VDAC2: variants seen among roughly 807,000 people sequenced by gnomAD.
VDAC2 encodes the protein voltage dependent anion channel 2.
In VDAC2, 6 loss-of-function variants were observed where a neutral mutation model predicts 36.6. The ratio of observed to expected loss-of-function variants is 0.16; its 90% CI spans 0.09 to 0.32. The LOEUF (loss-of-function observed/expected upper bound fraction) is 0.32, where lower values mean the gene tolerates loss of function less well. Ranked by LOEUF, VDAC2 falls within the 10% of genes least tolerant of loss-of-function variation. VDAC2 has a pLI of 1.00. For missense variants in VDAC2, 247 were observed against 346.0 expected, an observed-to-expected ratio of 0.71 and a Z score of 2.27; for synonymous variants, 109 against 123.8, an observed-to-expected ratio of 0.88 and a Z score of 0.79.
intron 3 of VDAC2, 141 bp from the exon 4 acceptor site, chr10:75,213,880 A>G: frequency 1.3e-6 from 1 of 744,912 alleles, no homozygotes; most frequent in Admixed American, 2.8e-5. Flanking sequence ...TAACAATTTC[A>G]TTTAAATATT....
chr10:75,218,950 G>T, intron 4 of VDAC2, 113 bp from the exon 5 acceptor site: 1 of 1,129,278 alleles, frequency 8.9e-7, no homozygotes, highest in Non-Finnish European at 1.3e-6. Flanking sequence ...CTAGAAAAAG[G>T]ATTCATGAAT....
chr10:75,228,876 G>A (rs1842031812), intron 8 of VDAC2, among the ~76,000 whole-genome samples: 3 of 152,198 alleles, frequency 2.0e-5, no homozygotes, highest in Admixed American at 6.5e-5. Context: ...ATAATGTTAG[G>A]GGTGGTAGAG....
intron 3 of VDAC2, among the ~76,000 whole-genome samples, chr10:75,212,953 G>A (rs1589997543): frequency 6.6e-6 from 1 of 152,002 alleles, no homozygotes; most frequent in African/African-American, 2.4e-5. Flanking sequence ...AGAGTTATGA[G>A]CTTTTTCAGG....
chr10:75,220,438 T>C (rs1426479536), intron 6 of VDAC2, among the ~76,000 whole-genome samples: 2 of 152,246 alleles, frequency 1.3e-5, no homozygotes, highest in East Asian at 3.8e-4. Flanking sequence ...CTATGGTTGC[T>C]ATCATTGGCT....
intron 4 of VDAC2, chr10:75,217,793 C>T: frequency 1.5e-6 from 1 of 676,822 alleles, no homozygotes; most frequent in Non-Finnish European, 2.1e-6. Flanking sequence ...TCTCTAACAG[C>T]AGAGCAATAG....
chr10:75,214,008 CTATT>C lies in VDAC2; in HGVS notation c.101-11_101-8del, dbSNP rs1841519034. ...GGAATCATTTTGTTTCTTTTGCTGTCTATTTGTTGAAGGTTTTGGGTTGGTGAAA... is the reference window on the plus strand; with the variant it reads ...GGAATCATTTTGTTTCTTTTGCTGTCTGTTGAAGGTTTTGGGTTGGTGAAA... On this transcript the variant is annotated splice_polypyrimidine_tract_variant and intron_variant, in intron 3 of 9. Coordinates refer to ENST00000332211, the MANE Select transcript of VDAC2 (RefSeq NM_001391963.1). 1.2e-6 allele frequency: 2 copies of C among 1,612,526 alleles called. No homozygotes were observed. The highest frequency in any genetic ancestry group is 1.7e-6 in the Non-Finnish European group (2 of 1,179,096).
chr10:75,210,418 G>A (rs1030352123), upstream of VDAC2, among the ~76,000 whole-genome samples: 4 of 152,214 alleles, frequency 2.6e-5, no homozygotes, highest in East Asian at 3.9e-4. Context: ...CAGCGCGTAA[G>A]GGGAGTAGGA....
intron 4 of VDAC2, among the ~76,000 whole-genome samples, chr10:75,218,805 A>G (rs908325489): frequency 1.6e-4 from 24 of 152,042 alleles, no homozygotes; most frequent in Admixed American, 1.2e-3. Flanking sequence ...AGAATTCACT[A>G]CAGGTTAACT....
chr10:75,220,168 C>T (rs1363044519), intron 6 of VDAC2, among the ~76,000 whole-genome samples: 3 of 151,466 alleles, frequency 2.0e-5, no homozygotes, highest in African/African-American at 4.9e-5. Flanking sequence ...TGCAATGGTG[C>T]GATCTTGGCT....
chr10:75,228,308 T>G (rs1259499), intron 8 of VDAC2, among the ~76,000 whole-genome samples: 85,573 of 150,864 alleles, frequency 0.57, 25,860 homozygotes, highest in East Asian at 0.92. Context: ...GCCTAGGCTG[T>G]AGTTCACTGG....
rs34279627 is a variant in VDAC2, at chr10:75,222,979, C to CTT, written c.735+592_735+593dup. ...GCTAGTATTTTAATCATCACTTTGT[C>CTT]TTTTTTTTTTTTTTTTCTTTTTTGA... On this transcript the variant is annotated intron_variant, in intron 8 of 9. Transcript: ENST00000332211. Among the ~76,000 whole-genome samples, 194 of 137,984 alleles carry CTT rather than the reference C, an allele frequency of 1.4e-3. 3 individuals are homozygous for CTT. Among genetic ancestry groups the CTT allele is most frequent in the East Asian group, 0.013 (61 of 4,712 alleles). 90.5% of individuals were successfully genotyped at this position (137,984 alleles called of 152,430 possible). A position where few individuals can be genotyped will look rare whatever the true frequency, so the allele number is the denominator to read the frequency against.
At chr10:75,210,281 G>A (rs1841355302), upstream of VDAC2, 1 of 152,560 alleles carries the variant, frequency 6.6e-6, no homozygotes, top group Non-Finnish European at 1.5e-5. Flanking sequence ...CGTTCTCCCT[G>A]GGCTGGGAAA....
chr10:75,229,035 C>T (rs559255659), intron 8 of VDAC2, among the ~76,000 whole-genome samples: 8 of 152,298 alleles, frequency 5.3e-5, no homozygotes, highest in African/African-American at 1.9e-4. Context: ...ACTGGGACCT[C>T]CTCCCAAACG....
At position 75,229,081 on chromosome 10, in the gene VDAC2, G is replaced by T. The variant is rs544566692; in HGVS notation, c.736-563G>T. Among the ~76,000 whole-genome samples the T allele has an allele frequency of 5.3e-5, 8 of 152,242 alleles. No homozygotes were observed. In the South Asian group the frequency reaches 1.7e-3, roughly 32 times the overall value. ...ATACAGCCAGAACTCAGCAGCACCG[G>T]CATTTATGAGAGGTGTAAGAATGTG... On this transcript the variant is annotated intron_variant, in intron 8 of 9. Coordinates refer to ENST00000332211, the MANE Select transcript of VDAC2 (RefSeq NM_001391963.1).
At chr10:75,215,408 G>C (rs1433776165) in intron 4 of VDAC2, among the ~76,000 whole-genome samples, 1 of 151,370 alleles carries the variant, frequency 6.6e-6, no homozygotes, top group Non-Finnish European at 1.5e-5. Context: ...CTGGAGTGCA[G>C]TGGCATGATC....
intron 4 of VDAC2, chr10:75,218,125 T>G (rs1015162454): frequency 2.8e-6 from 1 of 360,928 alleles, no homozygotes; most frequent in African/African-American, 2.1e-5. Context: ...CCCTCCGTAT[T>G]TTTTCTTTTT....
intron 6 of VDAC2, 134 bp downstream of exon 6, chr10:75,219,490 T>C (rs1841734560): frequency 1.3e-6 from 1 of 744,600 alleles, no homozygotes; most frequent in African/African-American, 1.8e-5. Context: ...TCTGCTTTTA[T>C]TTATTTATTT....
chr10:75,212,428 T>G lies in VDAC2; in HGVS notation c.100+130T>G. On this transcript the variant is annotated intron_variant, in intron 3 of 9. Transcript: ENST00000332211. Reference sequence around the variant, plus strand: ...CTTTAAATTTAGAGTTACTTATTTTTTTGAGACAGGGTCTCCCTCTGTTGC... The same window carrying G: ...CTTTAAATTTAGAGTTACTTATTTTGTTGAGACAGGGTCTCCCTCTGTTGC... 5 of 867,702 alleles carry G rather than the reference T, an allele frequency of 5.8e-6. No homozygotes were observed. The Admixed American group carries it at 1.1e-4, about 19-fold the overall frequency. The allele number at this position is 867,702 out of a possible 1,614,324, so 53.8% of individuals were successfully genotyped here. A position where few individuals can be genotyped will look rare whatever the true frequency, so the allele number is the denominator to read the frequency against.
At chr10:75,221,049 G>A in intron 7 of VDAC2, 79 bp downstream of exon 7, 16 of 1,391,414 alleles carry the variant, frequency 1.1e-5, no homozygotes, top group Non-Finnish European at 1.6e-5. Flanking sequence ...ATTGATCTGG[G>A]TGCACCCTAA....
Sources: gnomAD v4.1 joint callset for allele counts (sites outside exome capture counted in the v4.1 genomes callset) on GRCh38, gnomAD v4.1.1 for gene constraint, MANE v1.5 for transcripts, NCBI Gene and HGNC (gene_info 2026-07-23, HGNC 2026-07-21) for gene names.